LRRC8C: variants seen among roughly 807,000 people sequenced by gnomAD.
The protein encoded by LRRC8C is leucine rich repeat containing 8 VRAC subunit C.
A neutral mutation model predicts 55.3 loss-of-function variants in LRRC8C; 20 were observed. That is an observed-to-expected ratio of 0.36 (90% CI 0.25 to 0.53). The LOEUF is 0.53. Among genes scored for constraint, LRRC8C ranks in the 20% least tolerant of loss-of-function variants. The probability of loss-of-function intolerance (pLI) is 0.92; values close to 1 mark genes in which losing one functional copy is unlikely to be tolerated. For synonymous variants in LRRC8C, 376 were observed against 360.7 expected, an observed-to-expected ratio of 1.04 and a Z score of -0.48; for missense variants, 659 against 951.4, an observed-to-expected ratio of 0.69 and a Z score of 4.04.
At chr1:89,635,278 A>G (rs1029401416) in intron 1 of LRRC8C, among the ~76,000 whole-genome samples, 1 of 152,192 alleles carries the variant, frequency 6.6e-6, no homozygotes, top group Non-Finnish European at 1.5e-5. Flanking sequence ...AGTTATAGTC[A>G]CCTATGACAT....
intron 2 of LRRC8C, among the ~76,000 whole-genome samples, chr1:89,698,938 T>C (rs1268758508): frequency 6.6e-6 from 1 of 151,254 alleles, no homozygotes; most frequent in Non-Finnish European, 1.5e-5. Context: ...ATCATCATCA[T>C]TAAAAATAAG....
intron 1 of LRRC8C, among the ~76,000 whole-genome samples, chr1:89,679,679 A>G (rs749523490): frequency 2.6e-5 from 4 of 152,224 alleles, no homozygotes; most frequent in Non-Finnish European, 4.4e-5. Flanking sequence ...GAACTATTAA[A>G]TTGTTTTGTA....
intron 1 of LRRC8C, among the ~76,000 whole-genome samples, chr1:89,685,413 C>T (rs181306722): frequency 1.3e-5 from 2 of 152,258 alleles, no homozygotes; most frequent in Non-Finnish European, 2.9e-5. Flanking sequence ...CCGCGCCCGG[C>T]CATTGTCTAT....
At chr1:89,653,281 A>G (rs923542562) in intron 1 of LRRC8C, among the ~76,000 whole-genome samples, 2 of 152,246 alleles carry the variant, frequency 1.3e-5, no homozygotes, top group African/African-American at 4.8e-5. Flanking sequence ...CAATAATGCC[A>G]CTGAATGTTA....
chr1:89,659,028 T>C (rs1159801946), intron 1 of LRRC8C, among the ~76,000 whole-genome samples: 1 of 150,586 alleles, frequency 6.6e-6, no homozygotes, highest in Non-Finnish European at 1.5e-5. Flanking sequence ...ATAGGAAATT[T>C]TAGGTTGTGT....
At chr1:89,706,451 G>C (rs981061728) in intron 2 of LRRC8C, 1 of 427,018 alleles carries the variant, frequency 2.3e-6, no homozygotes, top group Non-Finnish European at 4.7e-6. Context: ...GCCTAAATAA[G>C]TGTCATCCTG....
chr1:89,624,766 A>G, the LRRC8C span: 1 of 152,226 alleles, frequency 6.6e-6, no homozygotes, highest in African/African-American at 2.4e-5. Flanking sequence ...ATTCTAAGGA[A>G]TTTTATTCTT....
chr1:89,682,093 C>T (rs1162924551), intron 1 of LRRC8C, among the ~76,000 whole-genome samples: 6 of 152,224 alleles, frequency 3.9e-5, no homozygotes, highest in South Asian at 2.1e-4. Flanking sequence ...AGGAAAATGG[C>T]GTGAACCCGG....
intron 1 of LRRC8C, among the ~76,000 whole-genome samples, 154 bp downstream of exon 1, chr1:89,633,476 C>A (rs1656188266): frequency 6.6e-6 from 1 of 152,234 alleles, no homozygotes; most frequent in African/African-American, 2.4e-5. Flanking sequence ...GGTTGCCCGC[C>A]CGGCGTGTGG....
rs2101379541 is a variant in LRRC8C at position 89,718,520 on chromosome 1, AT to A, written c.*3542del. Reference sequence around the variant, plus strand: ...CCCAAGAAGGGTTGTGCTGTTATTTATTTTCTATTATAAGAAAAGTTCATTC... The same window carrying A: ...CCCAAGAAGGGTTGTGCTGTTATTTATTTCTATTATAAGAAAAGTTCATTC... On this transcript the variant is annotated 3_prime_UTR_variant, in exon 3 of 3. Coordinates refer to ENST00000370454, the MANE Select transcript of LRRC8C (RefSeq NM_032270.5). 1 of 152,242 alleles carries A rather than the reference AT, an allele frequency of 6.6e-6. No homozygotes were observed. Among genetic ancestry groups the A allele is most frequent in the African/African-American group, 2.4e-5 (1 of 41,586 alleles). 9.4% of individuals were successfully genotyped at this position (152,242 alleles called of 1,614,324 possible).
the LRRC8C span, among the ~76,000 whole-genome samples, chr1:89,619,698 T>A: frequency 6.6e-6 from 1 of 151,866 alleles, no homozygotes; most frequent in Non-Finnish European, 1.5e-5. Flanking sequence ...ACCTCTACCA[T>A]ATGGAAAATA....
At chr1:89,622,477 C>T in the LRRC8C span, among the ~76,000 whole-genome samples, 1 of 151,948 alleles carries the variant, frequency 6.6e-6, no homozygotes, top group Non-Finnish European at 1.5e-5. Flanking sequence ...GGACTACAGG[C>T]GCCCGCCAAC....
chr1:89,647,192 C>T (rs534157891), intron 1 of LRRC8C, among the ~76,000 whole-genome samples: 7 of 152,222 alleles, frequency 4.6e-5, no homozygotes, highest in Admixed American at 6.5e-5. Context: ...TTGTAAGTAC[C>T]ATATCCTGGA....
In LRRC8C at chr1:89,716,948, G is replaced by A. The variant is rs1268554496; in HGVS notation, c.*1966G>A. 1 of 152,132 alleles carries A rather than the reference G, an allele frequency of 6.6e-6. No homozygotes were observed. The highest frequency in any genetic ancestry group is 1.5e-5 in the Non-Finnish European group (1 of 68,016). 9.4% of individuals were successfully genotyped at this position (152,132 alleles called of 1,614,324 possible). ...ATTTGTTTAATAATCTAATTATACA[G>A]ACCAAAGTGCTTTACGTTTCTGCTC... is the stretch of plus-strand genomic sequence containing the variant. On this transcript the variant is annotated 3_prime_UTR_variant, in exon 3 of 3. Coordinates refer to ENST00000370454, the MANE Select transcript of LRRC8C (RefSeq NM_032270.5).
chr1:89,714,952 T>C lies in LRRC8C; in HGVS notation c.2382T>C (p.Ser794=). 1 of 1,589,290 alleles carries C rather than the reference T, an allele frequency of 6.3e-7. No individual in the cohort carries two copies. The highest frequency in any genetic ancestry group is 1.7e-4 in the Middle Eastern group (1 of 5,932). ...VEDALFETLP[S]DVREQMKTE ...ATGCTCTGTTTGAAACTCTGCCTTC[T>C]GACGTCCGGGAGCAAATGAAAACAG... Residue 794 remains serine, a synonymous_variant, in exon 3 of 3, where the codon TCT becomes TCC. Coordinates refer to ENST00000370454, the MANE Select transcript of LRRC8C (RefSeq NM_032270.5). The surrounding 1 kb of genome is among the most constrained non-coding windows in gnomAD (Gnocchi z 4.6).
chr1:89,686,694 T>C, intron 2 of LRRC8C, 83 bp downstream of exon 2: 1 of 1,478,010 alleles, frequency 6.8e-7, no homozygotes, highest in African/African-American at 1.4e-5. Context: ...GGCTGTGTGA[T>C]TTTTAACCAT....
chr1:89,652,927 G>A (rs1656831091), intron 1 of LRRC8C, among the ~76,000 whole-genome samples: 1 of 152,106 alleles, frequency 6.6e-6, no homozygotes, highest in South Asian at 2.1e-4. Flanking sequence ...CTGAGAATAG[G>A]GGACAGCAAA....
At chr1:89,673,310 A>G (rs1193925663) in intron 1 of LRRC8C, among the ~76,000 whole-genome samples, 4 of 152,158 alleles carry the variant, frequency 2.6e-5, no homozygotes, top group African/African-American at 4.8e-5. Flanking sequence ...CAGTTCTGAA[A>G]TCAGCTTTAG....
chr1:89,672,984 G>C (rs1341532891), intron 1 of LRRC8C, among the ~76,000 whole-genome samples: 1 of 151,930 alleles, frequency 6.6e-6, no homozygotes, highest in Non-Finnish European at 1.5e-5. Flanking sequence ...CTTTCCCTTG[G>C]CCCTAAGCCT....
Sources: gnomAD v4.1 joint callset for allele counts (sites outside exome capture counted in the v4.1 genomes callset) on GRCh38, gnomAD v4.1.1 for gene constraint, Gnocchi (gnomAD v3.1) non-coding constraint, MANE v1.5 for transcripts, NCBI Gene and HGNC (gene_info 2026-07-23, HGNC 2026-07-21) for gene names.